Variants in LRP1B observed in about 807,000 individuals in gnomAD.
LRP1B encodes LDL receptor related protein 1B.
LRP1B carries 217 observed loss-of-function variants against 556.6 expected under a neutral mutation model. The observed-to-expected ratio is 0.39, with a 90% CI of 0.35 to 0.44. LRP1B has a LOEUF of 0.44. Among genes scored for constraint, LRP1B ranks in the 20% least tolerant of loss-of-function variants. The pLI is 1.00. For missense variants in LRP1B, 5,053 were observed against 5,620.8 expected, an observed-to-expected ratio of 0.90 and a Z score of 3.23; for synonymous variants, 2,047 against 1,865.8, an observed-to-expected ratio of 1.10 and a Z score of -2.50.
intron 20 of LRP1B, among the ~76,000 whole-genome samples, chr2:140,939,884 A>AT (rs1695344943): frequency 3.1e-5 from 2 of 64,738 alleles, no homozygotes; most frequent in Non-Finnish European, 6.4e-5. Flanking sequence ...TATTTGGTGT[A>AT]ATTTTTTTTT....
chr2:141,443,092 T>C (rs954954077), intron 3 of LRP1B, among the ~76,000 whole-genome samples: 2 of 152,178 alleles, frequency 1.3e-5, no homozygotes, highest in Non-Finnish European at 2.9e-5. Flanking sequence ...CCAGCATCTG[T>C]TGCTTCCCCA....
intron 3 of LRP1B, among the ~76,000 whole-genome samples, chr2:141,295,032 T>G (rs1368455705): frequency 6.6e-6 from 1 of 151,830 alleles, no homozygotes; most frequent in Non-Finnish European, 1.5e-5. Flanking sequence ...GCAAAAATAT[T>G]TTTTATTAGT....
chr2:140,748,013 C>T (rs923698047), intron 35 of LRP1B, among the ~76,000 whole-genome samples: 29 of 146,060 alleles, frequency 2.0e-4, no homozygotes, highest in African/African-American at 7.3e-4. Flanking sequence ...TATCATGGGT[C>T]ATTTACATTT....
At chr2:140,892,030 G>A (rs1308527261) in intron 23 of LRP1B, among the ~76,000 whole-genome samples, 1 of 152,130 alleles carries the variant, frequency 6.6e-6, no homozygotes, top group Non-Finnish European at 1.5e-5. Context: ...ACTCAGGTGA[G>A]AGGTGGAACA....
At position 140,769,263 on chromosome 2, in the gene LRP1B, A is replaced by G; in HGVS notation, c.5708T>C (p.Leu1903Ser). 2 of 1,612,472 alleles carry G rather than the reference A, an allele frequency of 1.2e-6. No individual in the cohort carries two copies. Among genetic ancestry groups the G allele is most frequent in the Non-Finnish European group, 1.7e-6 (2 of 1,178,826 alleles). Residue 1903 changes from leucine to serine, a missense_variant, in exon 35 of 91, where the codon TTG becomes TCG. Around this residue, in one of 5 missense-constraint regions of LRP1B, gnomAD observed 3,619 missense variants for 3,931.9 expected, o/e 0.92. Transcript: ENST00000389484. ...PLEPSDKMDA[L>S]MPISGTSFAV... ...AAATGAAGTTCCTGATATAGGCATCAAAGCATCCATTTTGTCACTTGGTTC... is the reference window on the plus strand; with the variant it reads ...AAATGAAGTTCCTGATATAGGCATCGAAGCATCCATTTTGTCACTTGGTTC...
intron 77 of LRP1B, among the ~76,000 whole-genome samples, chr2:140,341,949 G>A (rs986817093): frequency 1.3e-5 from 2 of 151,296 alleles, no homozygotes; most frequent in Admixed American, 6.6e-5. Context: ...AGGGAGAAGA[G>A]AGGGAAAGTT....
chr2:141,591,438 A>G (rs1165081706), intron 2 of LRP1B, among the ~76,000 whole-genome samples: 2 of 151,682 alleles, frequency 1.3e-5, no homozygotes, highest in East Asian at 1.9e-4. Context: ...ATCGATTAAA[A>G]TGTTAAAAAA....
At chr2:141,003,734 C>A (rs1568880) in intron 15 of LRP1B, among the ~76,000 whole-genome samples, 27,088 of 151,824 alleles carry the variant, frequency 0.18, 2,543 homozygotes, top group Middle Eastern at 0.23. Flanking sequence ...TCTTTATCAG[C>A]AGTGTAAAAA....
chr2:141,691,554 G>T (rs1361861859), intron 2 of LRP1B, among the ~76,000 whole-genome samples: 1 of 148,912 alleles, frequency 6.7e-6, no homozygotes, highest in Non-Finnish European at 1.5e-5. Flanking sequence ...CAGCCCTGAA[G>T]GATCCCATAC....
chr2:141,502,240 G>C (rs1683742654), intron 2 of LRP1B, among the ~76,000 whole-genome samples: 1 of 152,072 alleles, frequency 6.6e-6, no homozygotes, highest in Non-Finnish European at 1.5e-5. Context: ...ATGAAATGTG[G>C]GGACAAGAGA....
intron 2 of LRP1B, among the ~76,000 whole-genome samples, chr2:141,768,087 C>A (rs1694785253): frequency 6.6e-6 from 1 of 152,084 alleles, no homozygotes; most frequent in African/African-American, 2.4e-5. Flanking sequence ...CAATAAATAT[C>A]AAATTAAATA....
At chr2:140,591,245 G>A (rs1218196654) in intron 43 of LRP1B, among the ~76,000 whole-genome samples, 5 of 152,038 alleles carry the variant, frequency 3.3e-5, no homozygotes, top group African/African-American at 1.2e-4. Flanking sequence ...GTAGATAATG[G>A]GCTTTTTTAT....
intron 63 of LRP1B, among the ~76,000 whole-genome samples, chr2:140,449,446 A>G (rs1686797482): frequency 1.3e-5 from 2 of 152,144 alleles, no homozygotes; most frequent in South Asian, 4.1e-4. Context: ...CAGAGATACT[A>G]CCCTTTATAT....
chr2:141,426,565 C>A (rs1173591554), intron 3 of LRP1B, among the ~76,000 whole-genome samples: 1 of 137,042 alleles, frequency 7.3e-6, no homozygotes, highest in Non-Finnish European at 1.6e-5. Context: ...ATAGATCCAC[C>A]TGAATATTTG....
chr2:141,671,760 A>C (rs989246694), intron 2 of LRP1B, among the ~76,000 whole-genome samples: 2 of 152,190 alleles, frequency 1.3e-5, no homozygotes, highest in Non-Finnish European at 2.9e-5. Context: ...ATAGGTAATC[A>C]AAAAACATAT....
chr2:141,183,482 A>G (rs1325951619), intron 7 of LRP1B, among the ~76,000 whole-genome samples: 2 of 151,980 alleles, frequency 1.3e-5, no homozygotes, highest in South Asian at 2.1e-4. Flanking sequence ...AATACTGTCA[A>G]TCATTCTTGT....
rs1428264541 is a variant in LRP1B, at chr2:140,418,951, C to T, written c.10414+23553G>A. 3.3e-5 allele frequency among the ~76,000 whole-genome samples: 5 copies of T among 152,194 alleles called. No individual in the cohort carries two copies. The East Asian group carries it at 7.7e-4, about 24-fold the overall frequency. On this transcript the variant is annotated intron_variant, in intron 66 of 90. Coordinates refer to ENST00000389484, the MANE Select transcript of LRP1B (RefSeq NM_018557.3). ...CACCATTCTTAGTAACTTCTTAACACAGATAAATCTCTGGATTTTAAAATA... is the reference window on the plus strand; with the variant it reads ...CACCATTCTTAGTAACTTCTTAACATAGATAAATCTCTGGATTTTAAAATA...
At chr2:141,528,266 C>T (rs563699179) in intron 2 of LRP1B, among the ~76,000 whole-genome samples, 34 of 151,844 alleles carry the variant, frequency 2.2e-4, no homozygotes, top group Admixed American at 2.1e-3. Flanking sequence ...TCTTATAATA[C>T]CCGTTGTAGT....
At chr2:141,521,348 A>G (rs1250348147) in intron 2 of LRP1B, among the ~76,000 whole-genome samples, 1 of 152,058 alleles carries the variant, frequency 6.6e-6, no homozygotes, top group Non-Finnish European at 1.5e-5. Flanking sequence ...TATAAATTAC[A>G]GTGTGAGGTT....
Sources: gnomAD v4.1 joint callset for allele counts (sites outside exome capture counted in the v4.1 genomes callset) on GRCh38, gnomAD v4.1.1 for gene constraint, gnomAD v4.1.1 regional missense constraint, MANE v1.5 for transcripts, NCBI Gene and HGNC (gene_info 2026-07-23, HGNC 2026-07-21) for gene names.